The following P3H2 variants were observed in gnomAD, a reference collection of about 807,000 sequenced individuals.
P3H2 encodes the protein prolyl 3-hydroxylase 2, also known as leprecan-like 1.
A neutral mutation model predicts 87.0 loss-of-function variants in P3H2; 80 were observed. The ratio of observed to expected loss-of-function variants is 0.92; its 90% confidence interval spans 0.77 to 1.11. P3H2 has a LOEUF of 1.11. P3H2 is among the 50% of genes least tolerant of loss of function. The pLI is 0.00. For missense variants in P3H2, 1,001 were observed against 923.9 expected (o/e 1.08, Z -1.08); for synonymous variants, 367 against 359.3 (o/e 1.02, Z -0.24).
At chr3:190,004,725 CAG>C (rs1460308261) in intron 1 of P3H2, among the ~76,000 whole-genome samples, 2 of 152,252 alleles carry the variant, frequency 1.3e-5, no homozygotes, top group East Asian at 1.9e-4. Flanking sequence ...TGTCCAGGGA[CAG>C]AGTTCCCCTT....
At chr3:189,978,598 T>C (rs2108912902) in intron 8 of P3H2, among the ~76,000 whole-genome samples, 1 of 152,058 alleles carries the variant, frequency 6.6e-6, no homozygotes, top group East Asian at 1.9e-4. Flanking sequence ...GTAGCTAACA[T>C]AATCATTAAT....
intron 1 of P3H2, among the ~76,000 whole-genome samples, chr3:190,095,231 T>C (rs1727531655): frequency 1.4e-5 from 2 of 147,694 alleles, no homozygotes; most frequent in Admixed American, 1.4e-4. Flanking sequence ...ATTAAATATC[T>C]AACCCAAATT....
intron 1 of P3H2, among the ~76,000 whole-genome samples, chr3:190,080,043 T>C (rs530213231): frequency 6.6e-6 from 1 of 152,366 alleles, no homozygotes; most frequent in East Asian, 1.9e-4. Context: ...ATTTCCCTTA[T>C]TAAGTAGAGG....
At chr3:190,065,815 G>A (rs1456706290) in intron 1 of P3H2, among the ~76,000 whole-genome samples, 1 of 152,038 alleles carries the variant, frequency 6.6e-6, no homozygotes, top group Non-Finnish European at 1.5e-5. Context: ...AAAAGTTTAT[G>A]AAACACTTTT....
At chr3:189,984,627 T>A in intron 6 of P3H2, 37 bp from the exon 7 acceptor site, 8 of 1,445,486 alleles carry the variant, frequency 5.5e-6, no homozygotes, top group Non-Finnish European at 6.8e-6. Context: ...ATGCAGTAAT[T>A]TTGTCACTAA....
chr3:189,987,481 A>T, intron 5 of P3H2, 46 bp downstream of exon 5: 4 of 605,160 alleles, frequency 6.6e-6, no homozygotes, highest in East Asian at 6.8e-5. Context: ...CTCTGTCTTA[A>T]AAAAAAAAAA....
intron 1 of P3H2, among the ~76,000 whole-genome samples, chr3:190,074,220 T>G (rs536145205): frequency 1.3e-5 from 2 of 152,154 alleles, no homozygotes; most frequent in Non-Finnish European, 2.9e-5. Flanking sequence ...TAGAATACTA[T>G]GATTCTTGGC....
chr3:190,120,833 C>G lies in P3H2; in HGVS notation c.-102G>C. On this transcript the variant is annotated 5_prime_UTR_variant, in exon 1 of 15. Coordinates refer to ENST00000319332, the MANE Select transcript of P3H2 (RefSeq NM_018192.4). ...ACCTTCCCTCGGGGAAGCGCGCCGA[C>G]TCCGCCGCGATCTGGCCGCTCCGCG... 4.1e-6 allele frequency: 6 copies of G among 1,446,628 alleles called. No homozygotes were observed. Among genetic ancestry groups the G allele is most frequent in the Non-Finnish European group, 5.5e-6 (6 of 1,100,592 alleles). The allele number at this position is 1,446,628 out of a possible 1,614,324, so 89.6% of individuals were successfully genotyped here. A position where few individuals can be genotyped will look rare whatever the true frequency, so the allele number is the denominator to read the frequency against.
intron 1 of P3H2, among the ~76,000 whole-genome samples, chr3:190,115,265 T>A (rs1712244204): frequency 6.6e-6 from 1 of 152,188 alleles, no homozygotes; most frequent in Non-Finnish European, 1.5e-5. Context: ...GTGTATTTAT[T>A]TTTCGCCTTC....
chr3:190,037,225 A>G (rs1725453326), intron 1 of P3H2, among the ~76,000 whole-genome samples: 1 of 152,168 alleles, frequency 6.6e-6, no homozygotes, highest in African/African-American at 2.4e-5. Context: ...TATAATTTAT[A>G]CCTTTTCAAC....
At chr3:190,079,478 T>C (rs1274533556) in intron 1 of P3H2, among the ~76,000 whole-genome samples, 1 of 152,216 alleles carries the variant, frequency 6.6e-6, no homozygotes, top group Non-Finnish European at 1.5e-5. Flanking sequence ...AGATGAATGA[T>C]ACATCAATTT....
chr3:190,010,556 A>T (rs2108934074), intron 1 of P3H2, among the ~76,000 whole-genome samples: 1 of 152,284 alleles, frequency 6.6e-6, no homozygotes, highest in South Asian at 2.1e-4. Context: ...GCACAAACAG[A>T]GGAAACACTA....
At chr3:190,114,304 C>A (rs1712200542) in intron 1 of P3H2, among the ~76,000 whole-genome samples, 1 of 150,762 alleles carries the variant, frequency 6.6e-6, no homozygotes, top group Non-Finnish European at 1.5e-5. Context: ...CTGCCTCAGC[C>A]TCCCGAGTAG....
At chr3:190,007,965 C>CACACATATAT in intron 1 of P3H2, among the ~76,000 whole-genome samples, 1 of 94,354 alleles carries the variant, frequency 1.1e-5, no homozygotes, top group African/African-American at 3.9e-5. Flanking sequence ...TGTTGACACA[C>CACACATATAT]ATATATATAT....
intron 1 of P3H2, among the ~76,000 whole-genome samples, chr3:189,996,363 AG>A (rs1724052413): frequency 1.3e-5 from 2 of 152,234 alleles, no homozygotes; most frequent in Admixed American, 1.3e-4. Context: ...CAGACACAGA[AG>A]GACAAATACC....
At chr3:190,121,125 T>A, upstream of P3H2, 1 of 191,850 alleles carries the variant, frequency 5.2e-6, no homozygotes, top group Non-Finnish European at 1.1e-5. Flanking sequence ...TGGATAGTAT[T>A]AGTCTTCTTT....
At chr3:189,959,333 C>A (rs1371304726) in intron 14 of P3H2, among the ~76,000 whole-genome samples, 1 of 150,306 alleles carries the variant, frequency 6.7e-6, no homozygotes, top group Non-Finnish European at 1.5e-5. Flanking sequence ...TATACATGTG[C>A]CATGCTGGTG....
At chr3:189,962,158 CTTCT>C (rs1722834980) in intron 14 of P3H2, among the ~76,000 whole-genome samples, 3 of 66,706 alleles carry the variant, frequency 4.5e-5, no homozygotes, top group African/African-American at 8.8e-5. Context: ...TTTTCTTCTT[CTTCT>C]TTTTTTTTTT....
At chr3:190,037,624 A>C (rs540397057) in intron 1 of P3H2, among the ~76,000 whole-genome samples, 46 of 152,330 alleles carry the variant, frequency 3.0e-4, no homozygotes, top group African/African-American at 1.1e-3. Flanking sequence ...ATTACTGATC[A>C]GCATGACTTT....
Sources: allele counts gnomAD v4.1 joint callset (sites outside exome capture counted in the v4.1 genomes callset), GRCh38; gene constraint gnomAD v4.1.1; transcripts MANE v1.5; gene names NCBI Gene and HGNC (gene_info 2026-07-23, HGNC 2026-07-21).